Variants in XPO4 observed in about 807,000 individuals in gnomAD.
XPO4 encodes exportin 4.
XPO4 carries 39 observed loss-of-function variants against 143.0 expected under a neutral mutation model. The ratio of observed to expected loss-of-function variants is 0.27; its 90% CI spans 0.21 to 0.36. The LOEUF is 0.36. Ranked by LOEUF, XPO4 falls within the 10% of genes least tolerant of loss-of-function variation. The probability of loss-of-function intolerance (pLI) is 1.00; values close to 1 mark genes in which losing one functional copy is unlikely to be tolerated. For missense variants in XPO4, 907 were observed against 1,348.0 expected, an observed-to-expected ratio of 0.67 and a Z score of 5.12; for synonymous variants, 439 against 474.0, an observed-to-expected ratio of 0.93 and a Z score of 0.96.
At chr13:20,845,125 T>C (rs907555352) in intron 4 of XPO4, among the ~76,000 whole-genome samples, 1 of 152,294 alleles carries the variant, frequency 6.6e-6, no homozygotes, top group Middle Eastern at 3.4e-3. Context: ...TGAGCCGAGA[T>C]CGCGCCACTA....
At chr13:20,865,029 C>T (rs184947100) in intron 2 of XPO4, among the ~76,000 whole-genome samples, 219 of 152,238 alleles carry the variant, frequency 1.4e-3, no homozygotes, top group African/African-American at 5.1e-3. Flanking sequence ...TCGAAGCCTA[C>T]CAGTATGAAA....
intron 6 of XPO4, among the ~76,000 whole-genome samples, chr13:20,834,297 T>C (rs939237364): frequency 6.6e-6 from 1 of 152,138 alleles, no homozygotes; most frequent in Admixed American, 6.5e-5. Flanking sequence ...AAGATCAACA[T>C]ACAAAAATCA....
rs1254065427 is a variant in XPO4, at chr13:20,835,272, A to G, written c.727+7623T>C. Among the ~76,000 whole-genome samples the G allele has an allele frequency of 3.3e-5, 5 of 152,222 alleles. No homozygotes were observed. In the East Asian group the frequency reaches 9.6e-4, roughly 29 times the overall value. ...AGAGGACAGAAGAAAATACTTCACA[A>G]GGGCTTTACATATATGTGCTTTAAA... On this transcript the variant is annotated intron_variant, in intron 6 of 22. Coordinates refer to ENST00000255305, the MANE Select transcript of XPO4 (RefSeq NM_022459.5).
chr13:20,786,912 CT>C (rs2059213766), intron 22 of XPO4, 52 bp downstream of exon 22: 1 of 1,463,594 alleles, frequency 6.8e-7, no homozygotes, highest in African/African-American at 1.4e-5. Context: ...TCTCAACAAT[CT>C]CTTTGCAAAA....
At chr13:20,866,053 G>T in intron 2 of XPO4, 2 of 985,348 alleles carry the variant, frequency 2.0e-6, no homozygotes, top group Non-Finnish European at 2.4e-6. Context: ...AGCTCCAGAA[G>T]AAGTAAGCCA....
intron 3 of XPO4, among the ~76,000 whole-genome samples, chr13:20,860,338 T>G (rs1316781123): frequency 6.6e-6 from 1 of 152,222 alleles, no homozygotes; most frequent in Non-Finnish European, 1.5e-5. Context: ...TTTCTTTTAT[T>G]ACATAAATAT....
chr13:20,888,558 T>C (rs543439676), intron 1 of XPO4, among the ~76,000 whole-genome samples: 18 of 152,298 alleles, frequency 1.2e-4, no homozygotes, highest in Middle Eastern at 6.8e-3. Flanking sequence ...AGTTTCGCCA[T>C]GTTGCCCACT....
intron 3 of XPO4, among the ~76,000 whole-genome samples, chr13:20,855,975 G>GTTAGCA (rs1404116071): frequency 6.6e-6 from 1 of 152,164 alleles, no homozygotes; most frequent in Non-Finnish European, 1.5e-5. Context: ...GGGCAAGACA[G>GTTAGCA]TTAGCATTCA....
chr13:20,847,154 A>AT (rs752648970), intron 4 of XPO4, among the ~76,000 whole-genome samples: 3 of 152,202 alleles, frequency 2.0e-5, no homozygotes, highest in Non-Finnish European at 2.9e-5. Context: ...TGCCAAATGA[A>AT]TAGAGACTCC....
In XPO4 at chr13:20,837,997, T is replaced by C. The variant is rs547997863; in HGVS notation, c.727+4898A>G. On this transcript the variant is annotated intron_variant, in intron 6 of 22. Transcript: ENST00000255305. ...TTTTGCCATGTTGCCCAGGCTAGTCTCAAACTCCTGAGCTCAAGCCATCCA... is the reference window on the plus strand; with the variant it reads ...TTTTGCCATGTTGCCCAGGCTAGTCCCAAACTCCTGAGCTCAAGCCATCCA... 2.7e-4 allele frequency among the ~76,000 whole-genome samples: 41 copies of C among 152,132 alleles called. No homozygotes were observed. The South Asian group carries it at 7.9e-3, about 29-fold the overall frequency.
intron 1 of XPO4, chr13:20,879,304 G>A (rs986912746): frequency 6.1e-5 from 60 of 985,258 alleles, no homozygotes; most frequent in Non-Finnish European, 7.0e-5. Context: ...GGGGACCAGG[G>A]AAGAGAAAAA....
At chr13:20,849,822 T>C (rs574990246) in intron 4 of XPO4, 642 of 985,242 alleles carry the variant, frequency 6.5e-4, no homozygotes, top group Non-Finnish European at 7.3e-4. Flanking sequence ...TACACACAAA[T>C]TGGCAGAATG....
At chr13:20,838,862 A>G (rs2059945337) in intron 6 of XPO4, among the ~76,000 whole-genome samples, 1 of 152,182 alleles carries the variant, frequency 6.6e-6, no homozygotes, top group Admixed American at 6.5e-5. Flanking sequence ...TGATAAATGG[A>G]TTAAAAAAGT....
chr13:20,851,727 A>AT, intron 4 of XPO4: 1 of 856,534 alleles, frequency 1.2e-6, no homozygotes, highest in Non-Finnish European at 1.4e-6. Context: ...AAAAAAAAAA[A>AT]AAAGAAAGAA....
chr13:20,802,409 T>A (rs753791382), intron 13 of XPO4, among the ~76,000 whole-genome samples: 27 of 152,096 alleles, frequency 1.8e-4, no homozygotes, highest in Admixed American at 4.6e-4. Context: ...TTGAGTTTTT[T>A]AAAAAAATTT....
At chr13:20,855,807 T>C (rs1283532557) in intron 3 of XPO4, 42 bp from the exon 4 acceptor site, 2 of 1,536,140 alleles carry the variant, frequency 1.3e-6, no homozygotes, top group Non-Finnish European at 1.7e-6. Flanking sequence ...TACCTAAATC[T>C]AATACAAGAA....
Position 20,879,168 on chromosome 13 carries a change from A to C in XPO4, c.70-10467T>G, listed in dbSNP as rs551775674. 6.2e-5 allele frequency: 61 copies of C among 985,420 alleles called. No homozygotes were observed. The African/African-American group carries it at 9.9e-4, about 16-fold the overall frequency. 61.0% of individuals were successfully genotyped at this position (985,420 alleles called of 1,614,324 possible). A position where few individuals can be genotyped will look rare whatever the true frequency, so the allele number is the denominator to read the frequency against. ...TTTTGACAGCTGCCTAGCATAAAGA[A>C]GACAGGAGATTAAAGCCAGGGCCCA... On this transcript the variant is annotated intron_variant, in intron 1 of 22. Coordinates refer to ENST00000255305, the MANE Select transcript of XPO4 (RefSeq NM_022459.5).
At position 20,843,806 on chromosome 13, in the gene XPO4, G is replaced by C; in HGVS notation, c.537C>G (p.Ser179Arg). Reference sequence around the variant, plus strand: ...TTTTGCAGTTACCATGGAATTCCATGCTCAATCCAATGTTGCTAGTTTTAC... The same window carrying C: ...TTTTGCAGTTACCATGGAATTCCATCCTCAATCCAATGTTGCTAGTTTTAC... ...SSSKTSNIGL[S>R]MEFHGNCKRV... is the part of the protein sequence containing the mutation. Residue 179 changes from serine to arginine, a missense_variant, in exon 5 of 23, where the codon AGC becomes AGG. Physicochemically the swap from Ser to Arg is moderately radical, Grantham distance 110. Coordinates refer to ENST00000255305, the MANE Select transcript of XPO4 (RefSeq NM_022459.5). 6 of 1,613,314 alleles carry C rather than the reference G, an allele frequency of 3.7e-6. No individual in the cohort carries two copies. The highest frequency in any genetic ancestry group is 5.1e-6 in the Non-Finnish European group (6 of 1,179,760).
chr13:20,830,508 T>TTATTA (rs2059839503), intron 6 of XPO4, among the ~76,000 whole-genome samples: 1 of 152,138 alleles, frequency 6.6e-6, no homozygotes, highest in Non-Finnish European at 1.5e-5. Flanking sequence ...AATACCACTA[T>TTATTA]TATATACCAT....
Sources: allele counts gnomAD v4.1 joint callset (sites outside exome capture counted in the v4.1 genomes callset), GRCh38; gene constraint gnomAD v4.1.1; transcripts MANE v1.5; gene names NCBI Gene and HGNC (gene_info 2026-07-23, HGNC 2026-07-21).